Variants in APBA2 observed in about 807,000 individuals in gnomAD.
APBA2 encodes the protein amyloid-beta A4 precursor protein-binding family A member 2.
Under a neutral mutation model 75.0 loss-of-function variants are expected in APBA2, and 30 were observed. That is an observed-to-expected ratio of 0.40 (90% CI 0.30 to 0.54). The LOEUF (loss-of-function observed/expected upper bound fraction) is 0.54, where lower values mean the gene tolerates loss of function less well. Among genes scored for constraint, APBA2 ranks in the 20% least tolerant of loss-of-function variants. The pLI, the probability that APBA2 is intolerant of heterozygous loss-of-function variation, is 0.49. For synonymous variants in APBA2, 444 were observed against 409.6 expected, an observed-to-expected ratio of 1.08 and a Z score of -1.01; for missense variants, 801 against 1,016.1, an observed-to-expected ratio of 0.79 and a Z score of 2.88.
intron 2 of APBA2, among the ~76,000 whole-genome samples, chr15:28,944,454 C>T (rs909801368): frequency 6.6e-6 from 1 of 152,250 alleles, no homozygotes; most frequent in Non-Finnish European, 1.5e-5. Context: ...CTGCACATGG[C>T]ATCTACTTCC....
rs148385088 is a variant in APBA2, at chr15:29,005,261, CT to C, written c.-41+9464del. ...TATCTGGACAATGGGAATAATGTGC[CT>C]TTTTTTTTGTTTTTTTGAGGTAGCA... On this transcript the variant is annotated intron_variant, in intron 3 of 14. Coordinates refer to ENST00000683413, the MANE Select transcript of APBA2 (RefSeq NM_001353788.2). Among the ~76,000 whole-genome samples the C allele has an allele frequency of 3.0e-3, 457 of 151,314 alleles. 1 individual carries two copies. Among genetic ancestry groups the C allele is most frequent in the African/African-American group, 0.01 (431 of 41,236 alleles).
At chr15:29,072,124 C>T (rs961711515) in intron 4 of APBA2, among the ~76,000 whole-genome samples, 1 of 152,168 alleles carries the variant, frequency 6.6e-6, no homozygotes, top group Non-Finnish European at 1.5e-5. Context: ...GCTCCCTCTG[C>T]CTGACAAATT....
chr15:28,888,793 C>T (rs2031931581), intron 1 of APBA2, among the ~76,000 whole-genome samples: 1 of 152,162 alleles, frequency 6.6e-6, no homozygotes, highest in Admixed American at 6.5e-5. Context: ...GCGTGCCCTC[C>T]CCATGCAGTC....
chr15:29,062,513 CCTT>C (rs1352025691), intron 4 of APBA2, among the ~76,000 whole-genome samples: 3 of 152,286 alleles, frequency 2.0e-5, no homozygotes, highest in South Asian at 2.1e-4. Context: ...AGCACAGCTG[CCTT>C]CTTTGATTTG....
intron 3 of APBA2, among the ~76,000 whole-genome samples, chr15:29,032,677 A>G (rs1205371257): frequency 1.3e-5 from 2 of 152,100 alleles, no homozygotes; most frequent in African/African-American, 2.4e-5. Context: ...TCCATCCCCA[A>G]AGCACAGCCC....
At chr15:29,032,624 T>A (rs1399531884) in intron 3 of APBA2, among the ~76,000 whole-genome samples, 2 of 152,218 alleles carry the variant, frequency 1.3e-5, no homozygotes, top group Non-Finnish European at 2.9e-5. Flanking sequence ...AACTTCTGAG[T>A]TGGGACAGCC....
rs1566796657 is a variant in APBA2 at position 28,918,607 on chromosome 15, C to G, written c.-204-3033C>G. Among the ~76,000 whole-genome samples, 2 of 87,798 alleles carry G rather than the reference C, an allele frequency of 2.3e-5. No individual in the cohort carries two copies. Among genetic ancestry groups the G allele is most frequent in the African/African-American group, 4.5e-5 (1 of 22,172 alleles). 57.6% of individuals were successfully genotyped at this position (87,798 alleles called of 152,430 possible). On this transcript the variant is annotated intron_variant, in intron 1 of 14. Coordinates refer to ENST00000683413, the MANE Select transcript of APBA2 (RefSeq NM_001353788.2). This position sits in a 1 kb window ranked among gnomAD's most constrained non-coding sequence, Gnocchi z 4.2. Reference sequence around the variant, plus strand: ...ATGTATTTTAAAGGAGTGCCTGATGCGTGTGGGTGTGGTGGGGTTGGGGGT... The same window carrying G: ...ATGTATTTTAAAGGAGTGCCTGATGGGTGTGGGTGTGGTGGGGTTGGGGGT...
intron 2 of APBA2, among the ~76,000 whole-genome samples, chr15:28,957,344 G>C (rs924198241): frequency 6.6e-6 from 1 of 152,074 alleles, no homozygotes; most frequent in African/African-American, 2.4e-5. Flanking sequence ...CAAAGTGCTG[G>C]GATTGATTAC....
intron 3 of APBA2, among the ~76,000 whole-genome samples, chr15:29,051,931 C>T (rs1380238021): frequency 6.6e-6 from 1 of 152,152 alleles, no homozygotes; most frequent in African/African-American, 2.4e-5. Flanking sequence ...TCTCCACTGT[C>T]CTCTCTACTG....
chr15:29,081,944 C>G (rs2043100889), intron 6 of APBA2, among the ~76,000 whole-genome samples: 1 of 152,220 alleles, frequency 6.6e-6, no homozygotes, highest in South Asian at 2.1e-4. Flanking sequence ...CTCTGATAGA[C>G]ACGGGCAGAA....
chr15:28,909,933 G>A (rs1001163899), intron 1 of APBA2, among the ~76,000 whole-genome samples: 1 of 152,184 alleles, frequency 6.6e-6, no homozygotes, highest in African/African-American at 2.4e-5. Flanking sequence ...AGTAGCTGGT[G>A]CGATCCTCTG....
chr15:29,023,559 G>T (rs946785524), intron 3 of APBA2, among the ~76,000 whole-genome samples: 1 of 143,834 alleles, frequency 7.0e-6, no homozygotes, highest in Non-Finnish European at 1.5e-5. Flanking sequence ...AGGTTCAAGC[G>T]ATTCTCCTGC....
Position 29,074,990 on chromosome 15 carries a change from A to T in APBA2, c.1021A>T (p.Asn341Tyr), listed in dbSNP as rs759790166. Residue 341 changes from asparagine to tyrosine, a missense_variant, in exon 5 of 15, where the codon AAC becomes TAC. By Grantham distance (143) the Asn-to-Tyr change is moderately radical (BLOSUM62 -2). This residue lies in a region of APBA2 where 434 missense variants were observed against 471.6 expected (regional missense o/e 0.92). Coordinates refer to ENST00000683413, the MANE Select transcript of APBA2 (RefSeq NM_001353788.2). ...SDLNGPVDNN[N>Y]IPETKKVASF... ...TCTCAATGGACCTGTTGACAATAAC[A>T]ACATTCCAGAGGTAATTTTTTTCAA... The T allele has an allele frequency of 1.9e-5, 31 of 1,613,702 alleles. No homozygotes were observed. Among genetic ancestry groups the T allele is most frequent in the Non-Finnish European group, 1.4e-5 (16 of 1,179,808 alleles).
chr15:28,908,852 A>C (rs1203786086), intron 1 of APBA2, among the ~76,000 whole-genome samples: 2 of 152,022 alleles, frequency 1.3e-5, no homozygotes, highest in Non-Finnish European at 2.9e-5. Context: ...CATTAAATAC[A>C]CTCAGTGTTG....
At chr15:28,964,040 A>G (rs2036610695) in intron 2 of APBA2, among the ~76,000 whole-genome samples, 1 of 152,200 alleles carries the variant, frequency 6.6e-6, no homozygotes, top group Non-Finnish European at 1.5e-5. Context: ...CTCTTCCATC[A>G]TTCCTAACCT....
intron 2 of APBA2, among the ~76,000 whole-genome samples, chr15:28,985,309 C>T (rs766192151): frequency 3.9e-5 from 6 of 152,162 alleles, no homozygotes; most frequent in East Asian, 1.9e-4. Context: ...GCACCCCACA[C>T]GCCCCTTCAT....
chr15:29,066,126 G>A (rs1336385367), intron 4 of APBA2, among the ~76,000 whole-genome samples: 3 of 152,056 alleles, frequency 2.0e-5, no homozygotes, highest in Non-Finnish European at 4.4e-5. Flanking sequence ...CATTCATTGC[G>A]GCCCCAGTTA....
At chr15:28,894,822 G>T (rs1347352624) in intron 1 of APBA2, among the ~76,000 whole-genome samples, 3 of 151,600 alleles carry the variant, frequency 2.0e-5, no homozygotes, top group Admixed American at 6.6e-5. Context: ...GTTCAGGGGT[G>T]CATCTAGAGG....
chr15:28,894,265 A>G (rs1434787525), intron 1 of APBA2, among the ~76,000 whole-genome samples: 3 of 152,214 alleles, frequency 2.0e-5, no homozygotes, highest in East Asian at 3.9e-4. Flanking sequence ...CCATCCACCC[A>G]TCTACTCAGT....
Sources: allele counts gnomAD v4.1 joint callset (sites outside exome capture counted in the v4.1 genomes callset), GRCh38; gene constraint gnomAD v4.1.1; regional missense constraint gnomAD v4.1.1; non-coding constraint Gnocchi (gnomAD v3.1); transcripts MANE v1.5; gene names NCBI Gene and HGNC (gene_info 2026-07-23, HGNC 2026-07-21).